The following LONRF1 variants were observed in gnomAD, a reference collection of about 807,000 sequenced individuals.
The protein encoded by LONRF1 is LON peptidase N-terminal domain and ring finger 1.
In LONRF1, 37 loss-of-function variants were observed where a neutral mutation model predicts 85.8. That is an observed-to-expected ratio of 0.43 (90% CI 0.33 to 0.57). LONRF1 has a LOEUF of 0.57. Among genes scored for constraint, LONRF1 ranks in the 20% least tolerant of loss-of-function variants. LONRF1 has a pLI of 0.04. For synonymous variants in LONRF1, 517 were observed against 390.1 expected (o/e 1.33, Z -3.83); for missense variants, 1,036 against 978.0 (o/e 1.06, Z -0.79).
intron 1 of LONRF1, among the ~76,000 whole-genome samples, chr8:12,748,104 T>C (rs1046208710): frequency 2.6e-5 from 4 of 152,242 alleles, no homozygotes; most frequent in Non-Finnish European, 5.9e-5. Context: ...CTTCCAACTT[T>C]TGGCAGTATA....
At chr8:12,754,213 G>A (rs1249803879) in intron 1 of LONRF1, 1 of 152,904 alleles carries the variant, frequency 6.5e-6, no homozygotes, top group Non-Finnish European at 1.5e-5. Flanking sequence ...GTGAGGAAGG[G>A]AGACGCCGCC....
chr8:12,751,301 T>TTTTTTG, intron 1 of LONRF1, among the ~76,000 whole-genome samples: 1 of 89,292 alleles, frequency 1.1e-5, no homozygotes, highest in South Asian at 4.7e-4. Flanking sequence ...TTTATGTTTT[T>TTTTTTG]TTTTTTTTTT....
intron 9 of LONRF1, 49 bp downstream of exon 9, chr8:12,729,125 T>A: frequency 6.2e-7 from 1 of 1,610,492 alleles, no homozygotes. Flanking sequence ...CTCATCCATA[T>A]TGAGAGGTCT....
intron 11 of LONRF1, among the ~76,000 whole-genome samples, chr8:12,724,481 A>T (rs186974768): frequency 5.7e-4 from 87 of 152,226 alleles, no homozygotes; most frequent in Non-Finnish European, 9.6e-4. Context: ...GACATCCCTG[A>T]CCTTCACTCC....
chr8:12,724,064 G>A (rs947629880), intron 11 of LONRF1, among the ~76,000 whole-genome samples: 1 of 152,190 alleles, frequency 6.6e-6, no homozygotes, highest in Non-Finnish European at 1.5e-5. Context: ...GCTGATCTCA[G>A]TAGGCCCCTC....
intron 1 of LONRF1, among the ~76,000 whole-genome samples, chr8:12,748,707 A>G (rs942497188): frequency 1.3e-5 from 2 of 152,082 alleles, no homozygotes; most frequent in African/African-American, 4.8e-5. Context: ...GCTGTGTATA[A>G]AGTTCTCTAT....
chr8:12,752,739 T>C (rs891338772), intron 1 of LONRF1, among the ~76,000 whole-genome samples: 1 of 152,206 alleles, frequency 6.6e-6, no homozygotes, highest in African/African-American at 2.4e-5. Flanking sequence ...ACCTCAATTA[T>C]CAAAAGTGCT....
chr8:12,736,464 A>T (rs1798718784), intron 6 of LONRF1, among the ~76,000 whole-genome samples: 1 of 152,150 alleles, frequency 6.6e-6, no homozygotes, highest in Non-Finnish European at 1.5e-5. Context: ...TTCTCACAAC[A>T]ATGAGATGTA....
intron 1 of LONRF1, among the ~76,000 whole-genome samples, chr8:12,751,397 T>G (rs2117353930): frequency 6.9e-6 from 1 of 145,634 alleles, no homozygotes; most frequent in Non-Finnish European, 1.5e-5. Context: ...ACCTCCACTT[T>G]CCGGGTTCAA....
At chr8:12,726,500 T>G (rs756409946) in intron 10 of LONRF1, among the ~76,000 whole-genome samples, 2 of 152,238 alleles carry the variant, frequency 1.3e-5, no homozygotes, top group Non-Finnish European at 2.9e-5. Context: ...CTGGAACCCC[T>G]CAGTGTATTC....
At chr8:12,744,925 A>G (rs1458400066) in intron 1 of LONRF1, among the ~76,000 whole-genome samples, 2 of 151,588 alleles carry the variant, frequency 1.3e-5, no homozygotes, top group African/African-American at 4.9e-5. Flanking sequence ...TCACTCCTTT[A>G]TATTTGATGA....
At chr8:12,726,938 A>G (rs185519153) in intron 10 of LONRF1, among the ~76,000 whole-genome samples, 66 of 152,250 alleles carry the variant, frequency 4.3e-4, no homozygotes, top group African/African-American at 1.5e-3. Context: ...CACTGTGTGC[A>G]CTCAAAGATG....
chr8:12,732,660 C>T (rs901331659), intron 7 of LONRF1, among the ~76,000 whole-genome samples: 1 of 152,096 alleles, frequency 6.6e-6, no homozygotes, highest in Non-Finnish European at 1.5e-5. Context: ...CAAACTCTTC[C>T]TTAATTATTT....
At chr8:12,743,585 G>A (rs1260985105) in intron 1 of LONRF1, among the ~76,000 whole-genome samples, 1 of 151,994 alleles carries the variant, frequency 6.6e-6, no homozygotes, top group Non-Finnish European at 1.5e-5. Context: ...TTAACAAAGG[G>A]TAGTCTATAA....
chr8:12,732,684 G>A (rs953087638), intron 7 of LONRF1, among the ~76,000 whole-genome samples: 6 of 151,912 alleles, frequency 3.9e-5, no homozygotes, highest in African/African-American at 1.2e-4. Flanking sequence ...TCTCTCCCAA[G>A]AACCCATATT....
intron 8 of LONRF1, 113 bp downstream of exon 8, chr8:12,731,623 A>G (rs1407966470): frequency 2.3e-6 from 2 of 871,786 alleles, no homozygotes; most frequent in Non-Finnish European, 3.5e-6. Flanking sequence ...AAACAGACCA[A>G]TACTTCTTGA....
chr8:12,752,719 G>T (rs1273231044), intron 1 of LONRF1, among the ~76,000 whole-genome samples: 1 of 152,196 alleles, frequency 6.6e-6, no homozygotes, highest in East Asian at 1.9e-4. Flanking sequence ...GTCACAGAAT[G>T]TTAAGCTAGA....
chr8:12,754,988 G>C lies in LONRF1; in HGVS notation c.433C>G (p.Arg145Gly). 1 of 1,491,902 alleles carries C rather than the reference G, an allele frequency of 6.7e-7. No individual in the cohort carries two copies. Among genetic ancestry groups the C allele is most frequent in the Non-Finnish European group, 8.9e-7 (1 of 1,127,348 alleles). The allele number at this position is 1,491,902 out of a possible 1,614,324, so 92.4% of individuals were successfully genotyped here. A position where few individuals can be genotyped will look rare whatever the true frequency, so the allele number is the denominator to read the frequency against. Reference protein sequence around the residue: ...TVPCGHSYCRRCLRRELRARC... With the variant: ...TVPCGHSYCRGCLRRELRARC... ...GCGCGGAGTTCCCTCCGCAGGCAGC[G>C]GCGGCAGTAGCTGTGGCCACAGGGC... is the stretch of plus-strand genomic sequence containing the variant. Residue 145 changes from arginine (R) to glycine (G), a missense_variant, in exon 1 of 12, where the codon CGC (arginine) becomes GGC (glycine). Physicochemically the swap from Arg to Gly is moderately radical, Grantham distance 125. Coordinates refer to ENST00000398246, the MANE Select transcript of LONRF1 (RefSeq NM_152271.5).
chr8:12,734,896 T>C (rs1459141503), intron 7 of LONRF1, among the ~76,000 whole-genome samples: 2 of 152,120 alleles, frequency 1.3e-5, no homozygotes, highest in African/African-American at 4.8e-5. Flanking sequence ...TTGAACAAAG[T>C]TGTTCTAGAT....
Sources: allele counts gnomAD v4.1 joint callset (sites outside exome capture counted in the v4.1 genomes callset), GRCh38; gene constraint gnomAD v4.1.1; transcripts MANE v1.5; gene names NCBI Gene and HGNC (gene_info 2026-07-23, HGNC 2026-07-21).